RLF: variants seen among roughly 807,000 people sequenced by gnomAD.
The protein encoded by RLF is RLF zinc finger.
A neutral mutation model predicts 162.9 loss-of-function variants in RLF; 7 were observed. That is an observed-to-expected ratio of 0.04 (90% CI 0.02 to 0.08). The LOEUF (loss-of-function observed/expected upper bound fraction) is 0.08. Ranked by LOEUF, RLF falls within the 10% of genes least tolerant of loss-of-function variation. The pLI, the probability that RLF is intolerant of heterozygous loss-of-function variation, is 1.00. For synonymous variants in RLF, 782 were observed against 791.5 expected (o/e 0.99, Z 0.20); for missense variants, 1,664 against 2,244.7 (o/e 0.74, Z 5.23).
In RLF at chr1:40,161,588, A is replaced by C. The variant is rs774894405; in HGVS notation, c.189A>C (p.Gln63His). The change falls in exon 1 of 8, where the codon CAA becomes CAC. Residue 63 changes from glutamine to histidine, a missense_variant. By Grantham distance (24) the Gln-to-His change is conservative (BLOSUM62 0). Transcript: ENST00000372771. The surrounding 1 kb of genome is among the most constrained non-coding windows in gnomAD (Gnocchi z 4.4). ...AGCTGGAGACAGAGCTGAGGGAGCA[A>C]GAGGTGTCGGAGGTCTCATCTTTGA... ...LWQLETELRE[Q>H]EVSEVSSLNY... The C allele has an allele frequency of 5.6e-6, 9 of 1,612,964 alleles. No homozygotes were observed. Among genetic ancestry groups the C allele is most frequent in the Middle Eastern group, 1.7e-4 (1 of 6,058 alleles).
At chr1:40,172,427 A>G (rs962728157) in intron 1 of RLF, among the ~76,000 whole-genome samples, 1 of 152,224 alleles carries the variant, frequency 6.6e-6, no homozygotes, top group African/African-American at 2.4e-5. Flanking sequence ...ACAGTGTCCC[A>G]TGAACTTCCT....
chr1:40,162,058 G>C (rs991788624), intron 1 of RLF, among the ~76,000 whole-genome samples: 11 of 152,140 alleles, frequency 7.2e-5, no homozygotes, highest in Admixed American at 7.2e-4. Flanking sequence ...GAGGTGTGTT[G>C]GGGCCAGAGA....
In RLF at chr1:40,237,751, G is replaced by A. The variant is rs758373786; in HGVS notation, c.3049G>A (p.Asp1017Asn). ...KLDAEPKPCS[D>N]TNSDSPDEGL... Reference sequence around the variant, plus strand: ...GGATGCAGAACCTAAACCCTGCTCAGATACAAACAGTGACTCCCCAGATGA... The same window carrying A: ...GGATGCAGAACCTAAACCCTGCTCAAATACAAACAGTGACTCCCCAGATGA... Residue 1017 changes from aspartate to asparagine, a missense_variant, in exon 8 of 8, where the codon GAT becomes AAT. Physicochemically the swap from Asp to Asn is conservative, Grantham distance 23 (BLOSUM62 1). This residue lies in a region of RLF where 295 missense variants were observed against 317.4 expected (regional missense o/e 0.93). Transcript: ENST00000372771. This position sits in a 1 kb window ranked among gnomAD's most constrained non-coding sequence, Gnocchi z 4.4. 1.8e-5 allele frequency: 29 copies of A among 1,614,062 alleles called. No homozygotes were observed. The South Asian group carries it at 2.6e-4, about 15-fold the overall frequency.
chr1:40,235,038 T>C (rs1438907174), intron 7 of RLF, among the ~76,000 whole-genome samples: 2 of 151,166 alleles, frequency 1.3e-5, no homozygotes, highest in African/African-American at 4.9e-5. Context: ...AAAATCCAAG[T>C]GTTCATGATA....
At chr1:40,225,439 C>T (rs1230259651) in intron 6 of RLF, among the ~76,000 whole-genome samples, 1 of 151,876 alleles carries the variant, frequency 6.6e-6, no homozygotes, top group African/African-American at 2.4e-5. Flanking sequence ...ATTAGCCGGG[C>T]GTGGTGGCGT....
chr1:40,202,416 T>G lies in RLF; in HGVS notation c.612T>G (p.Asn204Lys). 6.4e-7 allele frequency: 1 copy of G among 1,566,902 alleles called. No homozygotes were observed. Among genetic ancestry groups the G allele is most frequent in the Middle Eastern group, 1.8e-4 (1 of 5,496 alleles). Residue 204 changes from asparagine to lysine, a missense_variant, in exon 5 of 8, where the codon AAT (asparagine) becomes AAG (lysine). Asn to Lys is a moderately conservative substitution (Grantham distance 94). Transcript: ENST00000372771. ...SQQPVETEEVNKLIAQEGPSF... is the reference protein window; with the variant it reads ...SQQPVETEEVKKLIAQEGPSF... The stretch of plus-strand genomic sequence containing the variant: ...TTTATTTTTCATTTTTTCTAGTCAA[T>G]AAATTGATTGCACAAGAAGGACCTT...
chr1:40,195,554 T>C (rs1642624025), intron 3 of RLF, 78 bp from the exon 4 acceptor site: 1 of 1,140,294 alleles, frequency 8.8e-7, no homozygotes, highest in East Asian at 2.5e-5. Context: ...AATTCCTAGG[T>C]GTATCAGATA....
intron 4 of RLF, among the ~76,000 whole-genome samples, chr1:40,196,827 TG>T (rs1404372746): frequency 6.6e-6 from 1 of 152,208 alleles, no homozygotes; most frequent in Non-Finnish European, 1.5e-5. Flanking sequence ...TTTGCAAAAT[TG>T]TCAGTCGAAG....
chr1:40,173,329 G>C (rs1021927958), intron 1 of RLF, among the ~76,000 whole-genome samples: 1 of 151,956 alleles, frequency 6.6e-6, no homozygotes, highest in Admixed American at 6.6e-5. Flanking sequence ...TCCCGCCTTG[G>C]CCTCCCAAAG....
Position 40,237,720 on chromosome 1 carries a change from A to G in RLF, c.3018A>G (p.Glu1006=), listed in dbSNP as rs761659710. ...SLGNEHNQTT[E]KLDAEPKPCS... ...GTAATGAACATAATCAGACAACTGA[A>G]AAGTTGGATGCAGAACCTAAACCCT... Residue 1006 remains glutamate (E), a synonymous_variant, in exon 8 of 8, where the codon GAA becomes GAG. Coordinates refer to ENST00000372771, the MANE Select transcript of RLF (RefSeq NM_012421.4). The surrounding 1 kb of genome is among the most constrained non-coding windows in gnomAD (Gnocchi z 4.4). The G allele has an allele frequency of 3.7e-6, 6 of 1,614,130 alleles. No homozygotes were observed. Among genetic ancestry groups the G allele is most frequent in the Non-Finnish European group, 5.1e-6 (6 of 1,179,994 alleles).
chr1:40,204,105 T>C (rs1340370893), intron 5 of RLF, among the ~76,000 whole-genome samples: 1 of 149,282 alleles, frequency 6.7e-6, no homozygotes, highest in Non-Finnish European at 1.5e-5. Context: ...CGATCTTTGC[T>C]CCTGGGTTCA....
rs770721596 is a variant in RLF at position 40,161,436 on chromosome 1, G to A, written c.37G>A (p.Gly13Arg). ...DGKGDAAAVAGAGAEAPAVAG... is the reference protein window; with the variant it reads ...DGKGDAAAVARAGAEAPAVAG... ...AAAGGGAGACGCCGCCGCTGTCGCC[G>A]GGGCTGGGGCTGAGGCTCCGGCGGT... Residue 13 changes from glycine to arginine, a missense_variant, in exon 1 of 8, where the codon GGG becomes AGG. Transcript: ENST00000372771. The surrounding 1 kb of genome is among the most constrained non-coding windows in gnomAD (Gnocchi z 4.4). 4.5e-6 allele frequency: 7 copies of A among 1,558,174 alleles called. No individual in the cohort carries two copies. The highest frequency in any genetic ancestry group is 1.7e-4 in the Middle Eastern group (1 of 5,784).
chr1:40,231,371 A>C, intron 6 of RLF, 146 bp from the exon 7 acceptor site: 1 of 608,790 alleles, frequency 1.6e-6, no homozygotes. Context: ...TTTGGGAGAA[A>C]GCAGTGGTGA....
chr1:40,234,176 C>T (rs1643188456), intron 7 of RLF, among the ~76,000 whole-genome samples: 1 of 152,144 alleles, frequency 6.6e-6, no homozygotes, highest in Non-Finnish European at 1.5e-5. Context: ...TCTTAAACTC[C>T]ATGCCTCAAG....
chr1:40,178,417 G>T (rs994354294), intron 1 of RLF, among the ~76,000 whole-genome samples: 1 of 152,066 alleles, frequency 6.6e-6, no homozygotes, highest in African/African-American at 2.4e-5. Flanking sequence ...ATGGAGAGTT[G>T]TTTTTTAATG....
At chr1:40,221,814 G>C (rs1642999997) in intron 5 of RLF, among the ~76,000 whole-genome samples, 1 of 149,994 alleles carries the variant, frequency 6.7e-6, no homozygotes, top group Non-Finnish European at 1.5e-5. Flanking sequence ...GCAGGAGAAT[G>C]GCTTGAACCC....
intron 4 of RLF, among the ~76,000 whole-genome samples, chr1:40,198,903 A>C (rs1322425547): frequency 6.6e-6 from 1 of 152,262 alleles, no homozygotes; most frequent in African/African-American, 2.4e-5. Context: ...AAAGAAATTC[A>C]AAGATTGATA....
Position 40,238,768 on chromosome 1 carries a change from G to T in RLF, c.4066G>T (p.Val1356Phe). ...KDKARTKREL[V>F]KCKKIFACKY... ...CAAAGCAAGAACCAAAAGGGAACTT[G>T]TCAAATGTAAAAAGATATTTGCTTG... is the stretch of plus-strand genomic sequence containing the variant. The change falls in exon 8 of 8, where the codon GTC (valine) becomes TTC (phenylalanine). Residue 1356 changes from valine to phenylalanine, a missense_variant. Val to Phe is a conservative substitution (Grantham distance 50, BLOSUM62 -1). Transcript: ENST00000372771. This position sits in a 1 kb window ranked among gnomAD's most constrained non-coding sequence, Gnocchi z 5.2. The T allele has an allele frequency of 1.2e-6, 2 of 1,613,076 alleles. No homozygotes were observed. The highest frequency in any genetic ancestry group is 1.7e-6 in the Non-Finnish European group (2 of 1,179,662).
chr1:40,202,274 C>T, intron 4 of RLF, 138 bp from the exon 5 acceptor site: 1 of 586,450 alleles, frequency 1.7e-6, no homozygotes, highest in Non-Finnish European at 2.9e-6. Context: ...ATATTGAGAC[C>T]AGAGTAAACT....
Sources: allele counts gnomAD v4.1 joint callset (sites outside exome capture counted in the v4.1 genomes callset), GRCh38; gene constraint gnomAD v4.1.1; regional missense constraint gnomAD v4.1.1; non-coding constraint Gnocchi (gnomAD v3.1); transcripts MANE v1.5; gene names NCBI Gene and HGNC (gene_info 2026-07-23, HGNC 2026-07-21).